The following UPRT variants were observed in gnomAD, a reference collection of about 807,000 sequenced individuals.
UPRT encodes uracil phosphoribosyltransferase homolog.
In UPRT, 5 loss-of-function variants were observed where a neutral mutation model predicts 22.6. That is an observed-to-expected ratio of 0.22 (90% CI 0.12 to 0.47). The LOEUF is 0.47. UPRT is among the 20% of genes least tolerant of loss of function. UPRT has a pLI of 0.99. For missense variants in UPRT, 181 were observed against 239.9 expected, an observed-to-expected ratio of 0.75 and a Z score of 1.62; for synonymous variants, 77 against 87.7, an observed-to-expected ratio of 0.88 and a Z score of 0.68.
intron 2 of UPRT, among the ~76,000 whole-genome samples, chrX:75,294,836 G>A (rs191058151): frequency 1.8e-5 from 2 of 111,817 alleles, no homozygotes; most frequent in East Asian, 5.7e-4. Flanking sequence ...GGTAGAAAAC[G>A]GTTCCTCTTT....
chrX:75,272,358 G>GTATATA (rs1569279568), upstream of UPRT, among the ~76,000 whole-genome samples: 2 of 85,616 alleles, frequency 2.3e-5, no homozygotes, highest in African/African-American at 9.8e-5. Context: ...ATATATATAT[G>GTATATA]TGTATATATA....
At chrX:75,248,126 G>A (rs1713351494) in intron 4 of UPRT, among the ~76,000 whole-genome samples, 1 of 111,528 alleles carries the variant, frequency 9.0e-6, no homozygotes, top group African/African-American at 3.3e-5. Context: ...AAACAGCGCA[G>A]AAAAACTGGA....
intron 4 of UPRT, among the ~76,000 whole-genome samples, chrX:75,214,293 A>G (rs892823569): frequency 8.9e-6 from 1 of 112,936 alleles, no homozygotes; most frequent in African/African-American, 3.2e-5. Flanking sequence ...AAAATGTAGT[A>G]TACACATACA....
At chrX:75,182,632 G>T (rs2082274249) in intron 4 of UPRT, among the ~76,000 whole-genome samples, 3 of 111,740 alleles carry the variant, frequency 2.7e-5, no homozygotes, top group Non-Finnish European at 5.6e-5. Context: ...TTCTACTTCT[G>T]TGCATAGAGG....
chrX:75,225,521 A>G (rs1054329593), intron 4 of UPRT, among the ~76,000 whole-genome samples: 10 of 111,261 alleles, frequency 9.0e-5, no homozygotes, highest in African/African-American at 2.0e-4. Flanking sequence ...GCAGTCCTAT[A>G]TTCTTGGCTG....
At chrX:75,217,714 G>A (rs927756378) in intron 4 of UPRT, among the ~76,000 whole-genome samples, 14 of 111,819 alleles carry the variant, frequency 1.3e-4, no homozygotes, top group African/African-American at 4.2e-4. Context: ...ACAGAACAGA[G>A]CCCTCAGAAA....
At chrX:75,252,764 T>A (rs1282056802) in intron 4 of UPRT, among the ~76,000 whole-genome samples, 1 of 112,336 alleles carries the variant, frequency 8.9e-6, no homozygotes, top group East Asian at 2.8e-4. Context: ...GTGGCACTAT[T>A]CACAATAGCA....
At chrX:75,291,035 CT>C (rs747525931) in intron 1 of UPRT, among the ~76,000 whole-genome samples, 3 of 111,846 alleles carry the variant, frequency 2.7e-5, no homozygotes, top group Non-Finnish European at 5.7e-5. Context: ...GTGAAGATAA[CT>C]TTTTAAAATG....
chrX:75,178,882 C>T (rs758050208), intron 4 of UPRT, among the ~76,000 whole-genome samples: 7 of 111,664 alleles, frequency 6.3e-5, no homozygotes, highest in African/African-American at 1.3e-4. Flanking sequence ...TGCTGGCTAG[C>T]GCAGCCTGCT....
chrX:75,166,591 A>T (rs1436539927), intron 3 of UPRT, among the ~76,000 whole-genome samples: 3 of 111,534 alleles, frequency 2.7e-5, no homozygotes, highest in African/African-American at 9.8e-5. Flanking sequence ...CTTTTTTTTT[A>T]ACATTTTTAT....
intron 4 of UPRT, among the ~76,000 whole-genome samples, chrX:75,188,824 G>A (rs2082304602): frequency 8.9e-6 from 1 of 111,912 alleles, no homozygotes; most frequent in Non-Finnish European, 1.9e-5. Context: ...GACTAGGAAA[G>A]GGAACTCCCT....
At chrX:75,228,240 T>C (rs754203551) in intron 4 of UPRT, among the ~76,000 whole-genome samples, 6 of 112,020 alleles carry the variant, frequency 5.4e-5, no homozygotes, top group Admixed American at 9.5e-5. Flanking sequence ...TCTAGGTCTT[T>C]GTATTTTCAC....
intron 4 of UPRT, among the ~76,000 whole-genome samples, chrX:75,245,911 A>G (rs746570938): frequency 8.1e-5 from 9 of 111,687 alleles, no homozygotes; most frequent in African/African-American, 2.9e-4. Context: ...TACCTGAATA[A>G]CAAACCTGCA....
At chrX:75,243,965 C>G (rs954837325) in intron 4 of UPRT, among the ~76,000 whole-genome samples, 8 of 111,675 alleles carry the variant, frequency 7.2e-5, no homozygotes, top group Admixed American at 5.7e-4. Context: ...ATGAGAGACC[C>G]TTTAATTTGC....
intron 4 of UPRT, among the ~76,000 whole-genome samples, chrX:75,183,471 C>T (rs28824215): frequency 0.01 from 1,118 of 111,786 alleles, 13 homozygotes; most frequent in Non-Finnish European, 0.017. Flanking sequence ...TGAATAGTGC[C>T]GCAGTAAACA....
At chrX:75,190,320 G>C (rs1417531289) in intron 4 of UPRT, among the ~76,000 whole-genome samples, 2 of 111,784 alleles carry the variant, frequency 1.8e-5, no homozygotes, top group Admixed American at 9.5e-5. Flanking sequence ...CTCTCTTCTG[G>C]CTTGTAGAGT....
At chrX:75,256,617 G>A (rs897549618) in intron 4 of UPRT, among the ~76,000 whole-genome samples, 9 of 111,404 alleles carry the variant, frequency 8.1e-5, no homozygotes, top group South Asian at 3.7e-4. Flanking sequence ...TCGATAGGTC[G>A]TTAGCAAGAT....
intron 4 of UPRT, among the ~76,000 whole-genome samples, chrX:75,237,180 CA>C (rs1465925449): frequency 3.6e-5 from 4 of 112,119 alleles, no homozygotes; most frequent in Admixed American, 2.8e-4. Flanking sequence ...TTTATGCAGC[CA>C]AAAGACACAT....
chrX:75,185,447 A>C (rs2082286574), intron 4 of UPRT, among the ~76,000 whole-genome samples: 2 of 111,964 alleles, frequency 1.8e-5, no homozygotes, highest in South Asian at 7.5e-4. Flanking sequence ...GGATTTTTGC[A>C]TCTATGTTCA....
Sources: allele counts gnomAD v4.1 joint callset (sites outside exome capture counted in the v4.1 genomes callset), GRCh38; gene constraint gnomAD v4.1.1; transcripts MANE v1.5; gene names NCBI Gene and HGNC (gene_info 2026-07-23, HGNC 2026-07-21).